Variants in STRN observed in about 807,000 individuals in gnomAD.
STRN encodes striatin.
A neutral mutation model predicts 96.3 loss-of-function variants in STRN; 53 were observed. The observed-to-expected ratio is 0.55, with a 90% confidence interval of 0.44 to 0.69. The LOEUF (loss-of-function observed/expected upper bound fraction) is 0.69, where lower values mean the gene tolerates loss of function less well. Ranked by LOEUF, STRN falls within the 30% of genes least tolerant of loss-of-function variation. The probability of loss-of-function intolerance (pLI) is 0.00; values close to 1 mark genes in which losing one functional copy is unlikely to be tolerated. For synonymous variants in STRN, 428 were observed against 355.9 expected, an observed-to-expected ratio of 1.20 and a Z score of -2.28; for missense variants, 987 against 963.9, an observed-to-expected ratio of 1.02 and a Z score of -0.32.
chr2:36,876,127 G>C (rs1454495921), intron 10 of STRN, among the ~76,000 whole-genome samples: 1 of 151,934 alleles, frequency 6.6e-6, no homozygotes, highest in Non-Finnish European at 1.5e-5. Flanking sequence ...GAAAGTACCT[G>C]GGTGTGATGG....
Position 36,847,612 on chromosome 2 carries a change from G to A in STRN, c.*1844C>T, listed in dbSNP as rs1422973924. Reference sequence around the variant, plus strand: ...TGCTTGTTAACCAAAGCACAAAGATGAAATGAAAAGGTAGCTGTATTACTA... The same window carrying A: ...TGCTTGTTAACCAAAGCACAAAGATAAAATGAAAAGGTAGCTGTATTACTA... On this transcript the variant is annotated 3_prime_UTR_variant, in exon 18 of 18. Coordinates refer to ENST00000263918, the MANE Select transcript of STRN (RefSeq NM_003162.4). 6.6e-6 allele frequency: 1 copy of A among 152,102 alleles called. No individual in the cohort carries two copies. The highest frequency in any genetic ancestry group is 1.5e-5 in the Non-Finnish European group (1 of 68,008). 9.4% of individuals were successfully genotyped at this position (152,102 alleles called of 1,614,324 possible). A position where few individuals can be genotyped will look rare whatever the true frequency, so the allele number is the denominator to read the frequency against.
At chr2:36,917,046 AAAAAAT>A (rs1317926049) in intron 2 of STRN, among the ~76,000 whole-genome samples, 1 of 146,086 alleles carries the variant, frequency 6.8e-6, no homozygotes, top group Non-Finnish European at 1.5e-5. Flanking sequence ...ATGATCAATA[AAAAAAT>A]AAAAAATAAA....
In STRN at chr2:36,849,694, T is replaced by G. The variant is rs1174110599; in HGVS notation, c.2173+20A>C. 6.2e-7 allele frequency: 1 copy of G among 1,613,496 alleles called. No homozygotes were observed. The highest frequency in any genetic ancestry group is 1.7e-5 in the Admixed American group (1 of 59,982). ...GAAAATGGTAAGGACAAATAAATAA[T>G]CCATAGTTGAGGTACTTACTGCCAG... On this transcript the variant is annotated intron_variant, in intron 17 of 17. Transcript: ENST00000263918.
At chr2:36,902,314 T>C (rs1053258151) in intron 5 of STRN, among the ~76,000 whole-genome samples, 5 of 152,216 alleles carry the variant, frequency 3.3e-5, no homozygotes, top group Admixed American at 1.3e-4. Context: ...ATAAAATCTT[T>C]TCTGAAGTTT....
At chr2:36,910,346 T>A (rs1669934857) in intron 3 of STRN, among the ~76,000 whole-genome samples, 1 of 152,182 alleles carries the variant, frequency 6.6e-6, no homozygotes, top group Non-Finnish European at 1.5e-5. Flanking sequence ...TTTTTCATAT[T>A]AGTATTTAAA....
At chr2:36,917,948 T>C (rs1670153195) in intron 2 of STRN, among the ~76,000 whole-genome samples, 1 of 152,186 alleles carries the variant, frequency 6.6e-6, no homozygotes, top group Non-Finnish European at 1.5e-5. Context: ...CATTAGCCTA[T>C]GCATATGAAT....
chr2:36,966,183 G>T, intron 1 of STRN, 47 bp downstream of exon 1: 1 of 1,480,084 alleles, frequency 6.8e-7, no homozygotes. Flanking sequence ...GGGGCGGAAG[G>T]GAGCAAAGAG....
At chr2:36,925,063 A>G (rs1459804750) in intron 2 of STRN, 42 bp downstream of exon 2, 3 of 1,575,052 alleles carry the variant, frequency 1.9e-6, no homozygotes, top group Non-Finnish European at 2.6e-6. Context: ...TCTCAAAACA[A>G]ATAAACAAAA....
intron 12 of STRN, among the ~76,000 whole-genome samples, chr2:36,867,206 C>T (rs957978508): frequency 6.6e-6 from 1 of 151,858 alleles, no homozygotes; most frequent in Non-Finnish European, 1.5e-5. Context: ...AACCCTTCGG[C>T]CAGGTGCCTG....
At chr2:36,916,658 A>C (rs1670108014) in intron 2 of STRN, among the ~76,000 whole-genome samples, 1 of 152,154 alleles carries the variant, frequency 6.6e-6, no homozygotes, top group African/African-American at 2.4e-5. Context: ...CAAGGGGGAA[A>C]ACCCCAGCCC....
chr2:36,894,804 T>A (rs750892827), intron 6 of STRN, among the ~76,000 whole-genome samples: 4 of 152,146 alleles, frequency 2.6e-5, no homozygotes, highest in Non-Finnish European at 4.4e-5. Flanking sequence ...TAGGATAGAC[T>A]AGAGAGTTGA....
intron 3 of STRN, among the ~76,000 whole-genome samples, chr2:36,909,418 C>A (rs1669909497): frequency 6.6e-6 from 1 of 152,048 alleles, no homozygotes. Flanking sequence ...GTAACAGACA[C>A]TAGATTTACC....
At chr2:36,960,989 A>T (rs1490095473) in intron 1 of STRN, among the ~76,000 whole-genome samples, 1 of 151,836 alleles carries the variant, frequency 6.6e-6, no homozygotes, top group Non-Finnish European at 1.5e-5. Context: ...CTTGATCTCC[A>T]GGGCTCAAGC....
intron 10 of STRN, 132 bp downstream of exon 10, chr2:36,877,759 C>G: frequency 1.0e-6 from 1 of 955,254 alleles, no homozygotes; most frequent in Non-Finnish European, 1.5e-6. Flanking sequence ...TGGTTTTGAA[C>G]TCCTGACCTC....
chr2:36,914,599 T>C (rs769040543), intron 3 of STRN, among the ~76,000 whole-genome samples: 4 of 152,202 alleles, frequency 2.6e-5, no homozygotes, highest in Non-Finnish European at 5.9e-5. Flanking sequence ...AATATTCAGC[T>C]GAGGAAATGC....
intron 1 of STRN, among the ~76,000 whole-genome samples, chr2:36,962,315 C>T (rs1198404037): frequency 6.6e-6 from 1 of 152,166 alleles, no homozygotes; most frequent in African/African-American, 2.4e-5. Flanking sequence ...TCATACAACT[C>T]TAACACTTAC....
At chr2:36,943,622 G>GA (rs1670902833) in intron 1 of STRN, among the ~76,000 whole-genome samples, 1 of 151,762 alleles carries the variant, frequency 6.6e-6, no homozygotes, top group Non-Finnish European at 1.5e-5. Context: ...GGCTAACACA[G>GA]TGAAACCCCA....
chr2:36,873,028 G>C lies in STRN; in HGVS notation c.1324-3299C>G, dbSNP rs375363134. Among the ~76,000 whole-genome samples the C allele has an allele frequency of 8.7e-5, 13 of 149,340 alleles. No individual in the cohort carries two copies. In the East Asian group the frequency reaches 1.4e-3, roughly 16 times the overall value. ...TTTTCTGACAGATTTGAAGTGTCAT[G>C]GGGATACAAACTGATGAACCTGCCA... is the stretch of plus-strand genomic sequence containing the variant. On this transcript the variant is annotated intron_variant, in intron 10 of 17. Coordinates refer to ENST00000263918, the MANE Select transcript of STRN (RefSeq NM_003162.4).
At chr2:36,925,529 C>T (rs1670386391) in intron 1 of STRN, among the ~76,000 whole-genome samples, 1 of 152,274 alleles carries the variant, frequency 6.6e-6, no homozygotes, top group Middle Eastern at 3.4e-3. Context: ...GTAATCCCAG[C>T]ACTTTGGGAG....
Sources: allele counts gnomAD v4.1 joint callset (sites outside exome capture counted in the v4.1 genomes callset), GRCh38; gene constraint gnomAD v4.1.1; transcripts MANE v1.5; gene names NCBI Gene and HGNC (gene_info 2026-07-23, HGNC 2026-07-21).